Variants in NPSR1 observed in about 807,000 individuals in gnomAD.
NPSR1 encodes the protein neuropeptide S receptor.
A neutral mutation model predicts 46.9 loss-of-function variants in NPSR1; 48 were observed. The observed-to-expected ratio is 1.02, with a 90% CI of 0.81 to 1.30. The LOEUF (loss-of-function observed/expected upper bound fraction) is 1.30, where lower values mean the gene tolerates loss of function less well. NPSR1 is among the 50% of genes most tolerant of loss of function. The probability of loss-of-function intolerance (pLI) is 0.00; values close to 1 mark genes in which losing one functional copy is unlikely to be tolerated. For missense variants in NPSR1, 450 were observed against 449.5 expected, an observed-to-expected ratio of 1.00 and a Z score of -0.01; for synonymous variants, 176 against 168.1, an observed-to-expected ratio of 1.05 and a Z score of -0.36.
intron 6 of NPSR1, among the ~76,000 whole-genome samples, chr7:34,839,325 C>G (rs1168135816): frequency 6.6e-6 from 1 of 152,164 alleles, no homozygotes; most frequent in Non-Finnish European, 1.5e-5. Context: ...TTGAGCTTCA[C>G]AAGCCTATTT....
rs542529265 is a variant in NPSR1 at position 34,708,144 on chromosome 7, A to T, written c.280+23460A>T. 2.0e-5 allele frequency among the ~76,000 whole-genome samples: 3 copies of T among 152,324 alleles called. No homozygotes were observed. In the East Asian group the frequency reaches 5.8e-4, roughly 29 times the overall value. On this transcript the variant is annotated intron_variant, in intron 2 of 8. Coordinates refer to ENST00000360581, the MANE Select transcript of NPSR1 (RefSeq NM_207172.2). ...AAGGACTGGAGGTTAGGACTTTAAC[A>T]TATGAATTTAGGGGAGATGCAATTC...
chr7:34,863,617 A>G (rs576764939), intron 8 of NPSR1, among the ~76,000 whole-genome samples: 2 of 152,028 alleles, frequency 1.3e-5, no homozygotes, highest in South Asian at 4.1e-4. Flanking sequence ...TAACAAACGT[A>G]TGAAAAAAGT....
intron 3 of NPSR1, among the ~76,000 whole-genome samples, chr7:34,788,845 CA>C (rs1787590824): frequency 6.6e-6 from 1 of 151,962 alleles, no homozygotes; most frequent in Non-Finnish European, 1.5e-5. Flanking sequence ...CTAGTGGCAG[CA>C]GAATATATAA....
At chr7:34,660,753 C>G (rs17169953) in intron 1 of NPSR1, among the ~76,000 whole-genome samples, 2,953 of 152,222 alleles carry the variant, frequency 0.019, 42 homozygotes, top group African/African-American at 0.038. Context: ...TGTATCTTTC[C>G]TTCCGGTCCT....
intron 3 of NPSR1, among the ~76,000 whole-genome samples, chr7:34,798,880 T>A (rs150845864): frequency 6.6e-6 from 1 of 152,142 alleles, no homozygotes; most frequent in African/African-American, 2.4e-5. Context: ...AATAAGTGAA[T>A]TGAAGAAGAT....
chr7:34,747,609 GACACACACACACAT>G (rs1562698851), intron 2 of NPSR1, among the ~76,000 whole-genome samples: 3 of 147,156 alleles, frequency 2.0e-5, no homozygotes, highest in South Asian at 2.2e-4. Flanking sequence ...AGGCATCTTA[GACACACACACACAT>G]ACACACACAC....
chr7:34,787,175 G>A (rs1322520842), intron 3 of NPSR1, among the ~76,000 whole-genome samples: 1 of 151,986 alleles, frequency 6.6e-6, no homozygotes, highest in Non-Finnish European at 1.5e-5. Flanking sequence ...TCAATATTCT[G>A]GATAACTTAA....
intron 8 of NPSR1, among the ~76,000 whole-genome samples, chr7:34,865,857 A>C (rs920865477): frequency 6.6e-6 from 1 of 151,666 alleles, no homozygotes; most frequent in African/African-American, 2.4e-5. Context: ...CAGCAGACAT[A>C]ATAAGGATCC....
intron 2 of NPSR1, among the ~76,000 whole-genome samples, chr7:34,707,001 G>GA (rs947197764): frequency 6.6e-6 from 1 of 151,906 alleles, no homozygotes; most frequent in Admixed American, 6.6e-5. Context: ...TCAAACAGGA[G>GA]AAAAAATGGC....
At chr7:34,704,428 T>A (rs1794001010) in intron 2 of NPSR1, among the ~76,000 whole-genome samples, 1 of 152,350 alleles carries the variant, frequency 6.6e-6, no homozygotes, top group South Asian at 2.1e-4. Flanking sequence ...GTAATTCACA[T>A]TTAATTTTAT....
chr7:34,743,282 T>C (rs1389366483), intron 2 of NPSR1, among the ~76,000 whole-genome samples: 1 of 152,172 alleles, frequency 6.6e-6, no homozygotes, highest in African/African-American at 2.4e-5. Context: ...CAGTTTTGGG[T>C]TTTACATTTA....
At chr7:34,784,042 G>A (rs527413833) in intron 3 of NPSR1, among the ~76,000 whole-genome samples, 5 of 152,028 alleles carry the variant, frequency 3.3e-5, no homozygotes, top group African/African-American at 7.2e-5. Flanking sequence ...AAAAAAGAGC[G>A]AGCTAATTAG....
chr7:34,738,157 A>G (rs1242808305), intron 2 of NPSR1, among the ~76,000 whole-genome samples: 1 of 152,230 alleles, frequency 6.6e-6, no homozygotes, highest in East Asian at 1.9e-4. Flanking sequence ...AAGCATCTTG[A>G]ACAAGAAATT....
At chr7:34,850,720 A>G (rs1790912707), downstream of NPSR1, among the ~76,000 whole-genome samples, 1 of 151,782 alleles carries the variant, frequency 6.6e-6, no homozygotes, top group South Asian at 2.1e-4. Context: ...GCTTTCTGAG[A>G]CCTCTCACTC....
intron 6 of NPSR1, among the ~76,000 whole-genome samples, chr7:34,841,859 T>A (rs1284718310): frequency 6.6e-6 from 1 of 152,190 alleles, no homozygotes; most frequent in Non-Finnish European, 1.5e-5. Context: ...GGCCAGCTGT[T>A]GCCTAGGAAC....
intron 5 of NPSR1, among the ~76,000 whole-genome samples, 161 bp downstream of exon 5, chr7:34,827,763 GC>G (rs1789932117): frequency 6.6e-6 from 1 of 152,264 alleles, no homozygotes; most frequent in Admixed American, 6.5e-5. Context: ...CATAGGCTAA[GC>G]CCAATTTCTT....
chr7:34,838,727 G>T (rs1562766774), intron 6 of NPSR1, among the ~76,000 whole-genome samples: 2 of 152,176 alleles, frequency 1.3e-5, no homozygotes, highest in South Asian at 4.1e-4. Flanking sequence ...AAAAAGAACT[G>T]TATCATAAAT....
At chr7:34,827,239 A>G (rs35638990) in intron 4 of NPSR1, among the ~76,000 whole-genome samples, 162 bp from the exon 5 acceptor site, 2,225 of 152,294 alleles carry the variant, frequency 0.015, 28 homozygotes, top group Non-Finnish European at 0.025. Flanking sequence ...CAATGTATGG[A>G]GATACTGTAT....
At chr7:34,760,708 AC>A (rs1786129199) in intron 2 of NPSR1, among the ~76,000 whole-genome samples, 1 of 152,232 alleles carries the variant, frequency 6.6e-6, no homozygotes, top group Non-Finnish European at 1.5e-5. Context: ...AGTGGCTAAA[AC>A]TAAGGGCAAA....
Sources: allele counts gnomAD v4.1 joint callset (sites outside exome capture counted in the v4.1 genomes callset), GRCh38; gene constraint gnomAD v4.1.1; transcripts MANE v1.5; gene names NCBI Gene and HGNC (gene_info 2026-07-23, HGNC 2026-07-21).